Variants in CTIF observed in about 807,000 individuals in gnomAD.
CTIF encodes the protein cap binding complex dependent translation initiation factor, also known as CBP80/20-dependent translation initiation factor.
Under a neutral mutation model 66.0 loss-of-function variants are expected in CTIF, and 21 were observed. The ratio of observed to expected loss-of-function variants is 0.32; its 90% confidence interval spans 0.23 to 0.46. CTIF has a LOEUF of 0.46. Among genes scored for constraint, CTIF ranks in the 20% least tolerant of loss-of-function variants. The pLI, the probability that CTIF is intolerant of heterozygous loss-of-function variation, is 1.00. For synonymous variants in CTIF, 345 were observed against 326.4 expected (o/e 1.06, Z -0.62); for missense variants, 739 against 812.7 (o/e 0.91, Z 1.10).
At chr18:48,851,765 G>A (rs996097049) in intron 10 of CTIF, among the ~76,000 whole-genome samples, 1 of 152,096 alleles carries the variant, frequency 6.6e-6, no homozygotes, top group Non-Finnish European at 1.5e-5. Context: ...CAGCTCCCGG[G>A]TTCTGCCTCT....
At chr18:48,602,110 G>T (rs1009508616) in intron 1 of CTIF, among the ~76,000 whole-genome samples, 1 of 152,256 alleles carries the variant, frequency 6.6e-6, no homozygotes, top group African/African-American at 2.4e-5. Context: ...GTGAACATGG[G>T]CCTACTGTTC....
intron 6 of CTIF, among the ~76,000 whole-genome samples, chr18:48,673,409 G>A (rs2091569381): frequency 6.6e-6 from 1 of 150,652 alleles, no homozygotes; most frequent in Admixed American, 6.7e-5. Flanking sequence ...GCTCTTCTCG[G>A]TGTGATTTCT....
chr18:48,627,392 G>A (rs1421105478), intron 2 of CTIF, among the ~76,000 whole-genome samples: 1 of 152,144 alleles, frequency 6.6e-6, no homozygotes, highest in East Asian at 1.9e-4. Flanking sequence ...ATGAATGCAT[G>A]AGGGAGGCAG....
chr18:48,786,741 C>G (rs1029870567), intron 9 of CTIF, among the ~76,000 whole-genome samples: 1 of 152,160 alleles, frequency 6.6e-6, no homozygotes, highest in African/African-American at 2.4e-5. Flanking sequence ...GGTATGGAGT[C>G]CACACCTGGA....
In CTIF at chr18:48,710,381, G is replaced by T. The variant is rs375525116; in HGVS notation, c.508-1238G>T. ...GGGTGGGAGTCACACTCAGGCTATGGCCTCTGCATCCAGGCCTATACCCAG... is the reference window on the plus strand; with the variant it reads ...GGGTGGGAGTCACACTCAGGCTATGTCCTCTGCATCCAGGCCTATACCCAG... On this transcript the variant is annotated intron_variant, in intron 6 of 11. Transcript: ENST00000256413. Among the ~76,000 whole-genome samples, 5 of 152,162 alleles carry T rather than the reference G, an allele frequency of 3.3e-5. No homozygotes were observed. The East Asian group carries it at 7.7e-4, about 23-fold the overall frequency.
intron 1 of CTIF, among the ~76,000 whole-genome samples, chr18:48,600,459 G>A (rs953174393): frequency 1.3e-5 from 2 of 152,088 alleles, no homozygotes; most frequent in African/African-American, 2.4e-5. Flanking sequence ...TGCTGTCCTT[G>A]TCACTTCATA....
intron 10 of CTIF, among the ~76,000 whole-genome samples, chr18:48,850,893 TG>T (rs1312329697): frequency 6.6e-6 from 1 of 152,188 alleles, no homozygotes; most frequent in Non-Finnish European, 1.5e-5. Context: ...GGACAGGACA[TG>T]GTCTGCAGCC....
At chr18:48,820,365 A>T (rs2146352194) in intron 10 of CTIF, among the ~76,000 whole-genome samples, 1 of 152,242 alleles carries the variant, frequency 6.6e-6, no homozygotes, top group South Asian at 2.1e-4. Context: ...GGCTTATGGA[A>T]GTTTCCAGAG....
chr18:48,736,299 A>G (rs2092502356), intron 7 of CTIF, among the ~76,000 whole-genome samples: 1 of 152,164 alleles, frequency 6.6e-6, no homozygotes, highest in Admixed American at 6.5e-5. Context: ...GTGCCTCTCC[A>G]AGTTCTGGAG....
At chr18:48,580,632 C>T (rs989043280) in intron 1 of CTIF, among the ~76,000 whole-genome samples, 1 of 152,176 alleles carries the variant, frequency 6.6e-6, no homozygotes, top group African/African-American at 2.4e-5. Flanking sequence ...GGGTTTTTGA[C>T]TGTGGACCAC....
At chr18:48,691,084 C>T (rs1406084454) in intron 6 of CTIF, among the ~76,000 whole-genome samples, 2 of 152,144 alleles carry the variant, frequency 1.3e-5, no homozygotes, top group Non-Finnish European at 2.9e-5. Flanking sequence ...TAAAGGGAAT[C>T]GGGTGAAGGA....
chr18:48,813,862 C>A (rs1270968239), intron 9 of CTIF, among the ~76,000 whole-genome samples: 1 of 152,248 alleles, frequency 6.6e-6, no homozygotes, highest in African/African-American at 2.4e-5. Context: ...TCTCCTCCTG[C>A]CCCTGCACTG....
chr18:48,547,106 G>C (rs935191797), intron 1 of CTIF, among the ~76,000 whole-genome samples: 4 of 152,292 alleles, frequency 2.6e-5, no homozygotes, highest in African/African-American at 7.2e-5. Flanking sequence ...TGAGGGAGGA[G>C]AGAGAAGAGA....
chr18:48,770,252 C>T (rs956230378), intron 9 of CTIF, among the ~76,000 whole-genome samples: 2 of 152,238 alleles, frequency 1.3e-5, no homozygotes, highest in African/African-American at 4.8e-5. Flanking sequence ...CTGCCCCAGG[C>T]CCCCAGGGAC....
chr18:48,808,136 C>T (rs1458066514), intron 9 of CTIF, among the ~76,000 whole-genome samples: 1 of 152,176 alleles, frequency 6.6e-6, no homozygotes, highest in African/African-American at 2.4e-5. Context: ...TGCATCCTTA[C>T]CAGCATTGAC....
At chr18:48,622,374 AGT>A (rs2090511883) in intron 2 of CTIF, among the ~76,000 whole-genome samples, 1 of 151,574 alleles carries the variant, frequency 6.6e-6, no homozygotes, top group African/African-American at 2.4e-5. Flanking sequence ...TGAGCATGGG[AGT>A]GTGTGGGGGA....
At chr18:48,756,629 G>T (rs1908391875) in intron 7 of CTIF, among the ~76,000 whole-genome samples, 1 of 152,164 alleles carries the variant, frequency 6.6e-6, no homozygotes, top group African/African-American at 2.4e-5. Context: ...TGCTTATCTT[G>T]TGCTCCAACT....
At chr18:48,626,663 T>TTTG (rs1555657890) in intron 2 of CTIF, among the ~76,000 whole-genome samples, 15 of 149,106 alleles carry the variant, frequency 1.0e-4, no homozygotes, top group African/African-American at 3.3e-4. Context: ...TTTGTTTTTT[T>TTTG]TTTTTTTTTG....
At chr18:48,779,276 A>G (rs566720969) in intron 9 of CTIF, among the ~76,000 whole-genome samples, 4 of 152,194 alleles carry the variant, frequency 2.6e-5, no homozygotes, top group East Asian at 3.8e-4. Flanking sequence ...ACTGTGGGCC[A>G]TAAGTATCCC....
Sources: allele counts gnomAD v4.1 joint callset (sites outside exome capture counted in the v4.1 genomes callset), GRCh38; gene constraint gnomAD v4.1.1; transcripts MANE v1.5; gene names NCBI Gene and HGNC (gene_info 2026-07-23, HGNC 2026-07-21).